Variants in HAPSTR1 observed in about 807,000 individuals in gnomAD.
The protein encoded by HAPSTR1 is HUWE1 associated protein modifying stress responses, also known as HUWE1-associated protein modifying stress responses 1.
the HAPSTR1 span, among the ~76,000 whole-genome samples, chr16:9,093,511 G>T: frequency 1.1e-4 from 16 of 152,212 alleles, no homozygotes; most frequent in African/African-American, 3.4e-4. Flanking sequence ...TTGAAAGCGT[G>T]GCAGTCTATA....
At chr16:9,120,486 A>G in the HAPSTR1 span, 1 of 126,260 alleles carries the variant, frequency 7.9e-6, no homozygotes, top group Non-Finnish European at 1.7e-5. Context: ...CTATAATGGG[A>G]TCTGCAGGCT....
chr16:9,100,572 C>G, the HAPSTR1 span, among the ~76,000 whole-genome samples: 2 of 151,838 alleles, frequency 1.3e-5, no homozygotes, highest in African/African-American at 2.4e-5. Flanking sequence ...CTTACTCTTT[C>G]GCCCAGGCTG....
At chr16:9,106,061 A>C in the HAPSTR1 span, 1 of 152,212 alleles carries the variant, frequency 6.6e-6, no homozygotes, top group Middle Eastern at 3.2e-3. Context: ...TTGCCCTTGT[A>C]AGCCTGGGAA....
chr16:9,117,059 T>G, the HAPSTR1 span: 2 of 1,196,646 alleles, frequency 1.7e-6, no homozygotes, highest in Non-Finnish European at 2.3e-6. Flanking sequence ...TAAAAGGAAG[T>G]TCTAGGTATT....
the HAPSTR1 span, among the ~76,000 whole-genome samples, chr16:9,094,486 G>A: frequency 6.6e-6 from 1 of 151,160 alleles, no homozygotes; most frequent in African/African-American, 2.5e-5. Context: ...TATATACTTT[G>A]ATTTTTTTTT....
At chr16:9,094,433 T>C in the HAPSTR1 span, among the ~76,000 whole-genome samples, 1 of 152,184 alleles carries the variant, frequency 6.6e-6, no homozygotes, top group Non-Finnish European at 1.5e-5. Flanking sequence ...AAAAAAGGTT[T>C]CTGGGAGTGT....
the HAPSTR1 span, among the ~76,000 whole-genome samples, chr16:9,100,925 G>T: frequency 6.6e-6 from 1 of 152,018 alleles, no homozygotes; most frequent in Non-Finnish European, 1.5e-5. Flanking sequence ...GTTTCTGCAG[G>T]GCTGGGCTTA....
At chr16:9,104,707 G>A in the HAPSTR1 span, 4 of 152,176 alleles carry the variant, frequency 2.6e-5, no homozygotes, top group African/African-American at 7.2e-5. Flanking sequence ...CTGACACAGT[G>A]GAATAGTTAG....
the HAPSTR1 span, among the ~76,000 whole-genome samples, chr16:9,114,634 C>CTT: frequency 6.6e-6 from 1 of 152,144 alleles, no homozygotes; most frequent in African/African-American, 2.4e-5. Context: ...GAGAGAGAAA[C>CTT]TGTTCAAAGA....
the HAPSTR1 span, chr16:9,103,196 A>G: frequency 1.1e-5 from 17 of 1,614,060 alleles, no homozygotes; most frequent in African/African-American, 4.0e-5. Context: ...AGCTACTTCA[A>G]CGGAAACTAG....
the HAPSTR1 span, chr16:9,112,133 A>C: frequency 1.3e-5 from 2 of 152,136 alleles, no homozygotes; most frequent in Non-Finnish European, 2.9e-5. Context: ...ATCTACTTCA[A>C]ATTACTGAAA....
the HAPSTR1 span, chr16:9,121,512 C>T: frequency 6.6e-6 from 1 of 152,174 alleles, no homozygotes; most frequent in African/African-American, 2.4e-5. Context: ...TGCTTGATAT[C>T]ACGTGGGTTT....
chr16:9,096,575 G>C, the HAPSTR1 span, among the ~76,000 whole-genome samples: 1 of 152,268 alleles, frequency 6.6e-6, no homozygotes, highest in East Asian at 1.9e-4. Context: ...TAAATGTGTG[G>C]GCCAAGTGGC....
the HAPSTR1 span, among the ~76,000 whole-genome samples, chr16:9,095,168 A>G: frequency 6.6e-6 from 1 of 152,222 alleles, no homozygotes; most frequent in African/African-American, 2.4e-5. Flanking sequence ...TCCCTTGCCT[A>G]ATAGAAATGG....
chr16:9,102,613 G>A, the HAPSTR1 span, among the ~76,000 whole-genome samples: 1 of 152,158 alleles, frequency 6.6e-6, no homozygotes, highest in Non-Finnish European at 1.5e-5. Flanking sequence ...TCTCCACAAT[G>A]ACGTGGTAAA....
At chr16:9,093,516 T>C in the HAPSTR1 span, among the ~76,000 whole-genome samples, 2 of 152,222 alleles carry the variant, frequency 1.3e-5, no homozygotes, top group African/African-American at 4.8e-5. Context: ...AGCGTGGCAG[T>C]CTATATAGTT....
the HAPSTR1 span, among the ~76,000 whole-genome samples, chr16:9,116,263 A>C: frequency 6.6e-6 from 1 of 152,096 alleles, no homozygotes; most frequent in Non-Finnish European, 1.5e-5. Flanking sequence ...ACACATACAC[A>C]CTCATCAGAG....
the HAPSTR1 span, among the ~76,000 whole-genome samples, chr16:9,101,398 A>G: frequency 6.6e-6 from 1 of 152,238 alleles, no homozygotes; most frequent in Non-Finnish European, 1.5e-5. Flanking sequence ...TGCTTTTTAT[A>G]TTTGTAAAAT....
At chr16:9,092,743 C>T in the HAPSTR1 span, among the ~76,000 whole-genome samples, 25 of 151,802 alleles carry the variant, frequency 1.6e-4, no homozygotes, top group African/African-American at 5.3e-4. Context: ...GACCTCCCTG[C>T]CCCCCCGGTC....
Sources: allele counts gnomAD v4.1 joint callset (sites outside exome capture counted in the v4.1 genomes callset), GRCh38; gene constraint gnomAD v4.1.1; transcripts MANE v1.5; gene names NCBI Gene and HGNC (gene_info 2026-07-23, HGNC 2026-07-21).